Variants in GRID1 observed in about 807,000 individuals in gnomAD.
GRID1 encodes glutamate ionotropic receptor delta type subunit 1.
A neutral mutation model predicts 98.0 loss-of-function variants in GRID1; 28 were observed. The observed-to-expected ratio is 0.29, with a 90% CI of 0.21 to 0.39. The LOEUF (loss-of-function observed/expected upper bound fraction) is 0.39. Among genes scored for constraint, GRID1 ranks in the 10% least tolerant of loss-of-function variants. The pLI, the probability that GRID1 is intolerant of heterozygous loss-of-function variation, is 1.00. For synonymous variants in GRID1, 553 were observed against 538.5 expected, an observed-to-expected ratio of 1.03 and a Z score of -0.37; for missense variants, 1,111 against 1,340.5, an observed-to-expected ratio of 0.83 and a Z score of 2.67.
intron 4 of GRID1, among the ~76,000 whole-genome samples, chr10:86,127,448 T>C (rs1379631204): frequency 6.6e-6 from 1 of 152,208 alleles, no homozygotes; most frequent in East Asian, 1.9e-4. Flanking sequence ...CCTGCTCATG[T>C]GCTCCAATAA....
chr10:86,183,007 C>T (rs1480529783), intron 3 of GRID1, among the ~76,000 whole-genome samples: 2 of 152,152 alleles, frequency 1.3e-5, no homozygotes, highest in South Asian at 4.1e-4. Flanking sequence ...CAATAAACTG[C>T]ATGTATTAAA....
chr10:85,986,499 G>A (rs1324206478), intron 4 of GRID1, among the ~76,000 whole-genome samples: 1 of 152,230 alleles, frequency 6.6e-6, no homozygotes, highest in East Asian at 1.9e-4. Flanking sequence ...AGAGCATCAC[G>A]TAACAATCAG....
chr10:85,702,784 G>C (rs1841467269), intron 12 of GRID1, among the ~76,000 whole-genome samples: 3 of 150,902 alleles, frequency 2.0e-5, no homozygotes, highest in African/African-American at 7.3e-5. Flanking sequence ...AGAGAGGAGA[G>C]ATGAGAAAAA....
chr10:85,929,160 G>C (rs1324688752), intron 4 of GRID1, among the ~76,000 whole-genome samples: 2 of 152,222 alleles, frequency 1.3e-5, no homozygotes, highest in Non-Finnish European at 2.9e-5. Context: ...GTGAGAAACA[G>C]TTGTAGGATT....
At chr10:85,797,666 G>GTC (rs1842538106) in intron 8 of GRID1, among the ~76,000 whole-genome samples, 1 of 147,394 alleles carries the variant, frequency 6.8e-6, no homozygotes, top group Non-Finnish European at 1.5e-5. Context: ...GGTCAGGCTG[G>GTC]TCTCTAACTC....
chr10:85,722,679 A>ATATT (rs1841716958), intron 12 of GRID1, among the ~76,000 whole-genome samples: 1 of 152,202 alleles, frequency 6.6e-6, no homozygotes, highest in African/African-American at 2.4e-5. Flanking sequence ...TTTTAACTAA[A>ATATT]TATTTATAAA....
intron 8 of GRID1, among the ~76,000 whole-genome samples, chr10:85,780,648 G>A (rs901575517): frequency 6.6e-6 from 1 of 152,150 alleles, no homozygotes; most frequent in South Asian, 2.1e-4. Context: ...TATGACAATG[G>A]CACTTCTGAG....
intron 13 of GRID1, among the ~76,000 whole-genome samples, chr10:85,628,055 TGTAA>T (rs1217230619): frequency 6.6e-6 from 1 of 151,826 alleles, no homozygotes; most frequent in Admixed American, 6.6e-5. Flanking sequence ...TGTGCATATG[TGTAA>T]GTGTGAGGGA....
At chr10:85,913,123 T>G (rs569685582) in intron 5 of GRID1, among the ~76,000 whole-genome samples, 41 of 152,288 alleles carry the variant, frequency 2.7e-4, no homozygotes, top group African/African-American at 9.6e-4. Flanking sequence ...TACCTTCTGA[T>G]AGAAGACTTC....
rs1841312144 is a variant in GRID1 at position 85,689,782 on chromosome 10, T to C, written c.1997+33221A>G. Among the ~76,000 whole-genome samples the C allele has an allele frequency of 3.3e-5, 5 of 152,156 alleles. No homozygotes were observed. In the South Asian group the frequency reaches 1.0e-3, roughly 32 times the overall value. Reference sequence around the variant, plus strand: ...TTCAAAGGAAGAAAAATAACTCAGGTCATTTCTCTCTTGTGAAGTCTTACA... The same window carrying C: ...TTCAAAGGAAGAAAAATAACTCAGGCCATTTCTCTCTTGTGAAGTCTTACA... On this transcript the variant is annotated intron_variant, in intron 12 of 15. Coordinates refer to ENST00000327946, the MANE Select transcript of GRID1 (RefSeq NM_017551.3).
At chr10:85,913,789 T>A (rs1841573207) in intron 5 of GRID1, among the ~76,000 whole-genome samples, 1 of 151,982 alleles carries the variant, frequency 6.6e-6, no homozygotes, top group African/African-American at 2.4e-5. Flanking sequence ...GACTCCAGTC[T>A]CAAAAAATAA....
chr10:86,322,688 G>A (rs1847987360), intron 2 of GRID1, among the ~76,000 whole-genome samples: 1 of 151,568 alleles, frequency 6.6e-6, no homozygotes, highest in Non-Finnish European at 1.5e-5. Context: ...TGGGATTACA[G>A]GTGTGAGCCA....
intron 4 of GRID1, among the ~76,000 whole-genome samples, chr10:85,996,773 G>C (rs904006235): frequency 6.7e-6 from 1 of 149,270 alleles, no homozygotes; most frequent in Non-Finnish European, 1.5e-5. Context: ...AGGTTGCAGT[G>C]AGCTGAGATC....
Position 86,193,386 on chromosome 10 carries a change from G to A in GRID1, c.520+12978C>T, listed in dbSNP as rs535849248. On this transcript the variant is annotated intron_variant, in intron 3 of 15. Coordinates refer to ENST00000327946, the MANE Select transcript of GRID1 (RefSeq NM_017551.3). The stretch of plus-strand genomic sequence containing the variant: ...CTTTAGGAGAAGCAACGCAAGGCAC[G>A]TTATTCTCTTTATGATCCATTAGCA... 3.3e-5 allele frequency among the ~76,000 whole-genome samples: 5 copies of A among 152,262 alleles called. No homozygotes were observed. The South Asian group carries it at 8.3e-4, about 25-fold the overall frequency.
chr10:85,706,184 A>T (rs901963276), intron 12 of GRID1, among the ~76,000 whole-genome samples: 1 of 152,242 alleles, frequency 6.6e-6, no homozygotes, highest in Non-Finnish European at 1.5e-5. Context: ...CCCTGTTTGC[A>T]GATGACATGA....
chr10:85,714,095 T>C (rs1841611502), intron 12 of GRID1, among the ~76,000 whole-genome samples: 1 of 152,060 alleles, frequency 6.6e-6, no homozygotes, highest in Non-Finnish European at 1.5e-5. Context: ...GAAGATAATA[T>C]TCTTTGCAGC....
At chr10:85,765,035 T>A (rs1842184451) in intron 8 of GRID1, among the ~76,000 whole-genome samples, 1 of 152,218 alleles carries the variant, frequency 6.6e-6, no homozygotes, top group African/African-American at 2.4e-5. Flanking sequence ...GAATTTAGGA[T>A]GGTTGCAGGT....
Position 85,990,243 on chromosome 10 carries a change from A to G in GRID1, c.727-74004T>C, listed in dbSNP as rs188366983. ...CTGAAACTTAGGCATCGTTAGCTTCACAATACACTCATCTCTGCTCAGCAG... is the reference window on the plus strand; with the variant it reads ...CTGAAACTTAGGCATCGTTAGCTTCGCAATACACTCATCTCTGCTCAGCAG... On this transcript the variant is annotated intron_variant, in intron 4 of 15. Coordinates refer to ENST00000327946, the MANE Select transcript of GRID1 (RefSeq NM_017551.3). Among the ~76,000 whole-genome samples, 6 of 152,344 alleles carry G rather than the reference A, an allele frequency of 3.9e-5. No homozygotes were observed. The East Asian group carries it at 1.2e-3, about 29-fold the overall frequency.
chr10:86,130,656 C>G (rs1301823555), intron 4 of GRID1, among the ~76,000 whole-genome samples: 3 of 152,212 alleles, frequency 2.0e-5, no homozygotes, highest in Admixed American at 2.0e-4. Context: ...CCCCATCCAT[C>G]CTACTGAGAG....
Sources: gnomAD v4.1 joint callset for allele counts (sites outside exome capture counted in the v4.1 genomes callset) on GRCh38, gnomAD v4.1.1 for gene constraint, MANE v1.5 for transcripts, NCBI Gene and HGNC (gene_info 2026-07-23, HGNC 2026-07-21) for gene names.